Variants in CTR9 observed in about 807,000 individuals in gnomAD.
CTR9 encodes the protein CTR9 component of Paf1/RNA polymerase II complex.
In CTR9, 41 loss-of-function variants were observed where a neutral mutation model predicts 152.1. The ratio of observed to expected loss-of-function variants is 0.27; its 90% CI spans 0.21 to 0.35. The LOEUF (loss-of-function observed/expected upper bound fraction) is 0.35, where lower values mean the gene tolerates loss of function less well. Among genes scored for constraint, CTR9 ranks in the 10% least tolerant of loss-of-function variants. The pLI, the probability that CTR9 is intolerant of heterozygous loss-of-function variation, is 1.00. For missense variants in CTR9, 917 were observed against 1,424.4 expected, an observed-to-expected ratio of 0.64 and a Z score of 5.73; for synonymous variants, 476 against 496.2, an observed-to-expected ratio of 0.96 and a Z score of 0.54.
Position 10,764,660 on chromosome 11 carries a change from C to T in CTR9, c.1526C>T (p.Ala509Val), listed in dbSNP as rs772135027. 1.2e-5 allele frequency: 19 copies of T among 1,612,986 alleles called. No individual in the cohort carries two copies. Among genetic ancestry groups the T allele is most frequent in the Non-Finnish European group, 1.5e-5 (18 of 1,179,192 alleles). The change falls in exon 12 of 25, where the codon GCG becomes GTG. Residue 509 changes from alanine (A) to valine (V), a missense_variant. Ala to Val is a moderately conservative substitution (Grantham distance 64, BLOSUM62 0). This residue lies in a region of CTR9 where 133 missense variants were observed against 244.1 expected (regional missense o/e 0.54). Transcript: ENST00000361367. ...TATAATCTCGCCAGGCTATATGAGGCGATGTGTGAATTCCATGAAGCAGAA... is the reference window on the plus strand; with the variant it reads ...TATAATCTCGCCAGGCTATATGAGGTGATGTGTGAATTCCATGAAGCAGAA... The part of the protein sequence containing the change: ...TSYNLARLYE[A>V]MCEFHEAEKL...
chr11:10,771,158 T>G (rs1257161293), intron 18 of CTR9, among the ~76,000 whole-genome samples: 3 of 152,254 alleles, frequency 2.0e-5, no homozygotes, highest in Non-Finnish European at 4.4e-5. Flanking sequence ...GTGGTGAAAT[T>G]AAAACCTGTC....
At chr11:10,776,757 G>C (rs1863241412) in intron 24 of CTR9, among the ~76,000 whole-genome samples, 1 of 152,096 alleles carries the variant, frequency 6.6e-6, no homozygotes, top group Non-Finnish European at 1.5e-5. Context: ...CGGATCACTT[G>C]AGGCCAGGAG....
intron 5 of CTR9, among the ~76,000 whole-genome samples, chr11:10,758,228 G>A (rs1309189869): frequency 6.6e-6 from 1 of 152,158 alleles, no homozygotes; most frequent in Non-Finnish European, 1.5e-5. Flanking sequence ...GCAGAGTGAC[G>A]TGATCTGACC....
Position 10,771,549 on chromosome 11 carries a change from T to C in CTR9, c.2377T>C (p.Phe793Leu), listed in dbSNP as rs1211139371. 1 of 1,602,590 alleles carries C rather than the reference T, an allele frequency of 6.2e-7. No homozygotes were observed. The highest frequency in any genetic ancestry group is 8.6e-7 in the Non-Finnish European group (1 of 1,169,580). The change falls in exon 19 of 25, where the codon TTC becomes CTC. Residue 793 changes from phenylalanine to leucine, a missense_variant. Physicochemically the swap from Phe to Leu is conservative, Grantham distance 22. Around this residue, in one of 9 missense-constraint regions of CTR9, gnomAD observed 106 missense variants for 157.8 expected, o/e 0.67. Coordinates refer to ENST00000361367, the MANE Select transcript of CTR9 (RefSeq NM_014633.5). Reference protein sequence around the residue: ...VKELELAHRYFSYLSKVGDKM... With the variant: ...VKELELAHRYLSYLSKVGDKM... ...GTATTTTCTCGTTTCATTTAGATACTTCAGTTATTTGAGTAAAGTGGGAGA... is the reference window on the plus strand; with the variant it reads ...GTATTTTCTCGTTTCATTTAGATACCTCAGTTATTTGAGTAAAGTGGGAGA...
intron 20 of CTR9, 67 bp downstream of exon 20, chr11:10,772,722 A>T (rs1863163895): frequency 1.2e-5 from 12 of 1,003,124 alleles, no homozygotes; most frequent in South Asian, 1.0e-4. Context: ...TTGTATGTTT[A>T]AAAAAAAAAG....
intron 22 of CTR9, 68 bp downstream of exon 22, chr11:10,774,237 T>A (rs1250051159): frequency 6.6e-7 from 1 of 1,513,052 alleles, no homozygotes; most frequent in African/African-American, 1.4e-5. Context: ...ACCTTCTGAA[T>A]CTTTTGATGT....
chr11:10,778,068 A>C (rs991346574), intron 24 of CTR9, among the ~76,000 whole-genome samples: 1 of 152,146 alleles, frequency 6.6e-6, no homozygotes, highest in Non-Finnish European at 1.5e-5. Flanking sequence ...TTGGGAGCAA[A>C]GGGAAATAAA....
chr11:10,775,830 AGCTTCTTAGAAT>A (rs1863225351), intron 24 of CTR9, among the ~76,000 whole-genome samples, 197 bp downstream of exon 24: 1 of 152,206 alleles, frequency 6.6e-6, no homozygotes, highest in African/African-American at 2.4e-5. Context: ...GCTTCTCCCC[AGCTTCTTAGAAT>A]CTGAGAGCTG....
rs1863095694 is a variant in CTR9 at position 10,768,580 on chromosome 11, C to T, written c.2109+89C>T. 8 of 1,294,558 alleles carry T rather than the reference C, an allele frequency of 6.2e-6. No individual in the cohort carries two copies. The East Asian group carries it at 7.3e-5, about 12-fold the overall frequency. 80.2% of individuals were successfully genotyped at this position (1,294,558 alleles called of 1,614,324 possible). On this transcript the variant is annotated intron_variant, in intron 16 of 24. Coordinates refer to ENST00000361367, the MANE Select transcript of CTR9 (RefSeq NM_014633.5). ...CCATTCTGGCCCTGTCATGGAGCTG[C>T]ATGCTATCTCTTGTGATACTGTGTC...
chr11:10,759,916 A>C (rs1862950081), intron 5 of CTR9, among the ~76,000 whole-genome samples: 1 of 152,206 alleles, frequency 6.6e-6, no homozygotes, highest in African/African-American at 2.4e-5. Context: ...GTTAGAAGAC[A>C]AGAAGAATAC....
At position 10,779,502 on chromosome 11, in the gene CTR9, C is replaced by T. The variant is rs1863298028; in HGVS notation, c.*397C>T. On this transcript the variant is annotated 3_prime_UTR_variant, in exon 25 of 25. Transcript: ENST00000361367. Reference sequence around the variant, plus strand: ...TGGTGCACAAACTTGGTATTGATGTCTTTATTCCATTTTGAGTTTAGATTG... The same window carrying T: ...TGGTGCACAAACTTGGTATTGATGTTTTTATTCCATTTTGAGTTTAGATTG... The T allele has an allele frequency of 5.9e-6, 1 of 170,056 alleles. No individual in the cohort carries two copies. The highest frequency in any genetic ancestry group is 2.4e-5 in the African/African-American group (1 of 41,648). The allele number at this position is 170,056 out of a possible 1,614,324, so 10.5% of individuals were successfully genotyped here.
Position 10,760,246 on chromosome 11 carries a change from C to G in CTR9, c.666C>G (p.Ser222Arg), listed in dbSNP as rs775388671. The change falls in exon 6 of 25, where the codon AGC becomes AGG. Residue 222 changes from serine (S) to arginine (R), a missense_variant. Coordinates refer to ENST00000361367, the MANE Select transcript of CTR9 (RefSeq NM_014633.5). ...TGGAAAAAGCTCGTCTGGCATTCAG[C>G]AGAGCCCTGGAACTCAATTCCAAAT... ...NKLEKARLAF[S>R]RALELNSKCV... 1.9e-6 allele frequency: 3 copies of G among 1,613,972 alleles called. No individual in the cohort carries two copies. In the African/African-American group the frequency reaches 4.0e-5, roughly 22 times the overall value.
rs1378875557 is a variant in CTR9 at position 10,778,929 on chromosome 11, G to C, written c.3346G>C (p.Val1116Leu). 4.3e-6 allele frequency: 7 copies of C among 1,613,992 alleles called. No individual in the cohort carries two copies. Among genetic ancestry groups the C allele is most frequent in the East Asian group, 2.2e-5 (1 of 44,886 alleles). ...SVQSGRSHSG[V>L]SENDSRPASP... ...GCAGTCAGGGAGAAGCCACTCAGGAGTTTCTGAGAACGACTCTCGCCCAGC... is the reference window on the plus strand; with the variant it reads ...GCAGTCAGGGAGAAGCCACTCAGGACTTTCTGAGAACGACTCTCGCCCAGC... Residue 1116 changes from valine to leucine, a missense_variant, in exon 25 of 25, where the codon GTT (valine) becomes CTT (leucine). By Grantham distance (32) the Val-to-Leu change is conservative. Transcript: ENST00000361367.
At chr11:10,773,546 GT>G (rs1252863197) in intron 21 of CTR9, among the ~76,000 whole-genome samples, 4 of 151,696 alleles carry the variant, frequency 2.6e-5, no homozygotes, top group Non-Finnish European at 5.9e-5. Flanking sequence ...TCAATTAGAA[GT>G]CTAATTGGGC....
intron 2 of CTR9, 123 bp downstream of exon 2, chr11:10,752,893 G>A: frequency 1.4e-6 from 1 of 694,068 alleles, no homozygotes; most frequent in Non-Finnish European, 2.5e-6. Flanking sequence ...GTGTATGGAA[G>A]TTAATTGTGT....
intron 12 of CTR9, among the ~76,000 whole-genome samples, chr11:10,765,664 G>A (rs1241659183): frequency 2.0e-5 from 3 of 152,128 alleles, no homozygotes; most frequent in African/African-American, 7.2e-5. Context: ...GTTTTGCTAC[G>A]TTGGTCAGAC....
intron 5 of CTR9, among the ~76,000 whole-genome samples, chr11:10,758,486 A>G (rs1213224567): frequency 1.3e-5 from 2 of 152,228 alleles, no homozygotes; most frequent in Non-Finnish European, 2.9e-5. Context: ...AGTCAAAGAT[A>G]ACTCCCTTGC....
intron 12 of CTR9, among the ~76,000 whole-genome samples, chr11:10,765,676 G>A (rs1209998209): frequency 6.6e-6 from 1 of 152,148 alleles, no homozygotes; most frequent in African/African-American, 2.4e-5. Flanking sequence ...TGGTCAGACT[G>A]GTCTAGAACT....
At chr11:10,774,904 C>G (rs1457320839) in intron 22 of CTR9, among the ~76,000 whole-genome samples, 2 of 145,042 alleles carry the variant, frequency 1.4e-5, no homozygotes, top group Admixed American at 1.3e-4. Context: ...ACGTTGAAGT[C>G]TGGAGCCTGG....
Sources: allele counts gnomAD v4.1 joint callset (sites outside exome capture counted in the v4.1 genomes callset), GRCh38; gene constraint gnomAD v4.1.1; regional missense constraint gnomAD v4.1.1; transcripts MANE v1.5; gene names NCBI Gene and HGNC (gene_info 2026-07-23, HGNC 2026-07-21).